AFF3: variants seen among roughly 807,000 people sequenced by gnomAD.
AFF3 encodes ALF transcription elongation factor 3, also known as AF4/FMR2 family member 3.
In AFF3, 32 loss-of-function variants were observed where a neutral mutation model predicts 129.7. The ratio of observed to expected loss-of-function variants is 0.25; its 90% CI spans 0.19 to 0.33. The LOEUF is 0.33. Among genes scored for constraint, AFF3 ranks in the 10% least tolerant of loss-of-function variants. AFF3 has a pLI of 1.00. For missense variants in AFF3, 1,373 were observed against 1,592.0 expected, an observed-to-expected ratio of 0.86 and a Z score of 2.34; for synonymous variants, 644 against 635.4, an observed-to-expected ratio of 1.01 and a Z score of -0.20.
chr2:100,124,242 GA>G (rs1374674002), intron 2 of AFF3, among the ~76,000 whole-genome samples: 1 of 152,070 alleles, frequency 6.6e-6, no homozygotes, highest in Non-Finnish European at 1.5e-5. Context: ...AATTATCAAA[GA>G]AATACTTGAA....
intron 7 of AFF3, among the ~76,000 whole-genome samples, chr2:100,004,301 T>C (rs1681736205): frequency 2.0e-5 from 3 of 152,248 alleles, no homozygotes; most frequent in Admixed American, 2.0e-4. Flanking sequence ...CAGCAGTATC[T>C]TTATTTTTAA....
chr2:99,897,622 A>G (rs907716827), intron 7 of AFF3, among the ~76,000 whole-genome samples: 1 of 152,184 alleles, frequency 6.6e-6, no homozygotes, highest in Non-Finnish European at 1.5e-5. Context: ...GCCTCTGCTG[A>G]GGATTTTAGT....
chr2:99,842,078 C>T (rs927427716), intron 7 of AFF3, among the ~76,000 whole-genome samples: 1 of 152,006 alleles, frequency 6.6e-6, no homozygotes, highest in African/African-American at 2.4e-5. Flanking sequence ...ATCTACTACC[C>T]CTTCTGTGAC....
chr2:99,950,630 C>A (rs1019882710), intron 7 of AFF3, among the ~76,000 whole-genome samples: 2 of 152,130 alleles, frequency 1.3e-5, no homozygotes, highest in African/African-American at 4.8e-5. Flanking sequence ...ATCATTTTAT[C>A]TTACAACCTC....
At chr2:99,970,174 C>G (rs1678216058) in intron 7 of AFF3, among the ~76,000 whole-genome samples, 1 of 152,182 alleles carries the variant, frequency 6.6e-6, no homozygotes, top group Admixed American at 6.5e-5. Flanking sequence ...AGGGCATTTA[C>G]TCGATAGCTA....
At chr2:100,004,525 A>G (rs1054083691) in intron 7 of AFF3, among the ~76,000 whole-genome samples, 3 of 152,084 alleles carry the variant, frequency 2.0e-5, no homozygotes, top group Non-Finnish European at 4.4e-5. Context: ...GCCTCAAGCA[A>G]TCCTCCCACC....
At chr2:99,777,016 A>C (rs1369519748) in intron 8 of AFF3, among the ~76,000 whole-genome samples, 1 of 152,204 alleles carries the variant, frequency 6.6e-6, no homozygotes, top group African/African-American at 2.4e-5. Flanking sequence ...GGAGATAGGA[A>C]TCTACAAACA....
rs561559960 is a variant in AFF3, at chr2:99,961,999, C to T, written c.873+44633G>A. 2.0e-5 allele frequency among the ~76,000 whole-genome samples: 3 copies of T among 152,296 alleles called. No individual in the cohort carries two copies. The East Asian group carries it at 5.8e-4, about 29-fold the overall frequency. ...CAGACCACCATGCAAGGGGGATCAC[C>T]CAGCCCAGGAAGGGTTCTCCTTCCC... On this transcript the variant is annotated intron_variant, in intron 7 of 24. Transcript: ENST00000672756.
intron 24 of AFF3, 147 bp from the exon 25 acceptor site, chr2:99,551,742 CA>C: frequency 9.7e-7 from 1 of 1,033,436 alleles, no homozygotes; most frequent in Non-Finnish European, 1.4e-6. Context: ...TTCCTTTGAA[CA>C]AAATAAAATC....
At chr2:99,849,490 C>T (rs1256288374) in intron 7 of AFF3, among the ~76,000 whole-genome samples, 2 of 152,016 alleles carry the variant, frequency 1.3e-5, no homozygotes, top group Non-Finnish European at 2.9e-5. Context: ...GCGGTGGGGG[C>T]GTCATCTGAT....
chr2:99,666,883 C>T (rs530852397), intron 12 of AFF3, among the ~76,000 whole-genome samples: 1 of 152,212 alleles, frequency 6.6e-6, no homozygotes, highest in South Asian at 2.1e-4. Context: ...CACCAACTAA[C>T]AGAGCTGTGA....
At chr2:99,685,407 A>G (rs1321769492) in intron 11 of AFF3, among the ~76,000 whole-genome samples, 1 of 152,194 alleles carries the variant, frequency 6.6e-6, no homozygotes, top group African/African-American at 2.4e-5. Flanking sequence ...ACTCATGGTG[A>G]CACAGAATGT....
At chr2:99,666,839 A>T (rs1292090024) in intron 12 of AFF3, among the ~76,000 whole-genome samples, 1 of 152,196 alleles carries the variant, frequency 6.6e-6, no homozygotes, top group Non-Finnish European at 1.5e-5. Flanking sequence ...AGAAGGGTCA[A>T]TCTAAGAAAA....
At chr2:99,694,369 G>T (rs1249271920) in intron 11 of AFF3, among the ~76,000 whole-genome samples, 2 of 152,128 alleles carry the variant, frequency 1.3e-5, no homozygotes, top group Non-Finnish European at 2.9e-5. Context: ...GGCACATTTG[G>T]TGTGAGCTAT....
rs1674156379 is a variant in AFF3 at position 99,548,060 on chromosome 2, A to G, written c.*3414T>C. ...TCTCTCTCCAGGCACGATTCTGCAC[A>G]TGAGTCTGATCTGTGTAGAGTAGTA... On this transcript the variant is annotated 3_prime_UTR_variant, in exon 25 of 25. Transcript: ENST00000672756. The G allele has an allele frequency of 4.8e-6, 1 of 208,470 alleles. No homozygotes were observed. The highest frequency in any genetic ancestry group is 9.8e-6 in the Non-Finnish European group (1 of 102,118). The allele number at this position is 208,470 out of a possible 1,614,324, so 12.9% of individuals were successfully genotyped here. A position where few individuals can be genotyped will look rare whatever the true frequency, so the allele number is the denominator to read the frequency against.
rs1008608546 is a variant in AFF3, at chr2:100,008,927, T to C, written c.59A>G (p.Tyr20Cys). 11 of 1,613,796 alleles carry C rather than the reference T, an allele frequency of 6.8e-6. No individual in the cohort carries two copies. Among genetic ancestry groups the C allele is most frequent in the African/African-American group, 4.0e-5 (3 of 74,932 alleles). Residue 20 changes from tyrosine (Y) to cysteine (C), a missense_variant, in exon 5 of 25, where the codon TAT (tyrosine) becomes TGT (cysteine). Around this residue, in one of 9 missense-constraint regions of AFF3, gnomAD observed 255 missense variants for 256.0 expected, o/e 1.00. Coordinates refer to ENST00000672756, the MANE Select transcript of AFF3 (RefSeq NM_001386135.1). Reference sequence around the variant, plus strand: ...CCGTAATGCATTTCTATCTGGTTCATAGACACTGCATCAGGAAAAAGAAGA... The same window carrying C: ...CCGTAATGCATTTCTATCTGGTTCACAGACACTGCATCAGGAAAAAGAAGA... ...QEWDLESLCV[Y>C]EPDRNALRRK...
chr2:99,970,856 G>A (rs1211678327), intron 7 of AFF3, among the ~76,000 whole-genome samples: 4 of 152,176 alleles, frequency 2.6e-5, no homozygotes, highest in Non-Finnish European at 4.4e-5. Flanking sequence ...TACCTCCCGG[G>A]CTTCCTCAGC....
At chr2:99,645,149 A>G (rs1684579433) in intron 13 of AFF3, among the ~76,000 whole-genome samples, 1 of 152,150 alleles carries the variant, frequency 6.6e-6, no homozygotes, top group Non-Finnish European at 1.5e-5. Flanking sequence ...TGCCTGGGCA[A>G]CATGGTGAAG....
chr2:99,559,752 A>G (rs1488246641), intron 21 of AFF3, among the ~76,000 whole-genome samples: 4 of 152,110 alleles, frequency 2.6e-5, no homozygotes, highest in African/African-American at 9.7e-5. Context: ...CCTCCTACCA[A>G]CCAAATCCAG....
Sources: allele counts gnomAD v4.1 joint callset (sites outside exome capture counted in the v4.1 genomes callset), GRCh38; gene constraint gnomAD v4.1.1; regional missense constraint gnomAD v4.1.1; transcripts MANE v1.5; gene names NCBI Gene and HGNC (gene_info 2026-07-23, HGNC 2026-07-21).